The following UBXN7 variants were observed in gnomAD, a reference collection of about 807,000 sequenced individuals.
UBXN7 encodes UBX domain protein 7.
In UBXN7, 9 loss-of-function variants were observed where a neutral mutation model predicts 58.0. That is an observed-to-expected ratio of 0.16 (90% CI 0.09 to 0.27). UBXN7 has a LOEUF of 0.27. Among genes scored for constraint, UBXN7 ranks in the 10% least tolerant of loss-of-function variants. UBXN7 has a pLI of 1.00. For missense variants in UBXN7, 328 were observed against 599.6 expected, an observed-to-expected ratio of 0.55 and a Z score of 4.73; for synonymous variants, 208 against 205.0, an observed-to-expected ratio of 1.01 and a Z score of -0.12.
At chr3:196,407,042 C>G (rs1048992675) in intron 2 of UBXN7, among the ~76,000 whole-genome samples, 1 of 152,358 alleles carries the variant, frequency 6.6e-6, no homozygotes, top group Admixed American at 6.5e-5. Context: ...AGAGCCTACA[C>G]GGTTCCTTTG....
chr3:196,425,800 C>T (rs1261179913), intron 1 of UBXN7, among the ~76,000 whole-genome samples: 1 of 152,160 alleles, frequency 6.6e-6, no homozygotes, highest in South Asian at 2.1e-4. Flanking sequence ...GTTTCTCCTG[C>T]AAGAAACATC....
intron 5 of UBXN7, among the ~76,000 whole-genome samples, chr3:196,373,888 A>G (rs1728914421): frequency 6.6e-6 from 1 of 152,182 alleles, no homozygotes; most frequent in African/African-American, 2.4e-5. Context: ...ATATTTGCTT[A>G]CTGATTCCAT....
chr3:196,364,425 GA>G (rs1231468873), intron 8 of UBXN7, among the ~76,000 whole-genome samples: 1 of 152,050 alleles, frequency 6.6e-6, no homozygotes, highest in African/African-American at 2.4e-5. Flanking sequence ...ATTAATTAAT[GA>G]AACAATGAAT....
intron 5 of UBXN7, among the ~76,000 whole-genome samples, chr3:196,380,970 C>T (rs1013503927): frequency 1.3e-5 from 2 of 152,234 alleles, no homozygotes; most frequent in African/African-American, 2.4e-5. Context: ...GTAAACAAAG[C>T]GGCTGGGAAG....
intron 1 of UBXN7, among the ~76,000 whole-genome samples, chr3:196,422,679 G>A (rs1024595271): frequency 6.6e-6 from 1 of 152,024 alleles, no homozygotes; most frequent in African/African-American, 2.4e-5. Context: ...AGTGACTTTG[G>A]AAAGTCACTA....
chr3:196,410,534 T>C (rs955325215), intron 1 of UBXN7, among the ~76,000 whole-genome samples: 1 of 152,162 alleles, frequency 6.6e-6, no homozygotes, highest in African/African-American at 2.4e-5. Flanking sequence ...TTAAAATCAC[T>C]TCATGGCAGC....
chr3:196,424,567 T>TAGAAACAGG (rs1202577278), intron 1 of UBXN7, among the ~76,000 whole-genome samples: 1 of 151,510 alleles, frequency 6.6e-6, no homozygotes, highest in East Asian at 1.9e-4. Flanking sequence ...TTACTTTTTG[T>TAGAAACAGG]AGAAACAGGC....
chr3:196,389,491 TG>T (rs2108844223), intron 5 of UBXN7, among the ~76,000 whole-genome samples: 1 of 152,330 alleles, frequency 6.6e-6, no homozygotes, highest in South Asian at 2.1e-4. Flanking sequence ...TTTGGAAATT[TG>T]TCCCCTCCAA....
intron 2 of UBXN7, 71 bp from the exon 3 acceptor site, chr3:196,403,090 T>C: frequency 7.2e-7 from 1 of 1,383,444 alleles, no homozygotes; most frequent in Non-Finnish European, 9.9e-7. Context: ...CTGTAAATAC[T>C]GTGAATATAT....
intron 1 of UBXN7, among the ~76,000 whole-genome samples, chr3:196,415,176 CAG>C (rs1285313166): frequency 7.4e-6 from 1 of 135,416 alleles, no homozygotes; most frequent in African/African-American, 2.8e-5. Context: ...TTTTTTGAGA[CAG>C]AGTCTCGTTC....
At chr3:196,431,944 C>G (rs1731070836) in intron 1 of UBXN7, 1 of 413,798 alleles carries the variant, frequency 2.4e-6, no homozygotes, top group Non-Finnish European at 4.6e-6. Context: ...CACCGCAGGG[C>G]TGCACAGAGA....
chr3:196,428,179 T>C (rs973063105), intron 1 of UBXN7, among the ~76,000 whole-genome samples: 2 of 151,786 alleles, frequency 1.3e-5, no homozygotes, highest in Non-Finnish European at 2.9e-5. Flanking sequence ...TAAACCATAC[T>C]GTATACAGCT....
At chr3:196,406,028 T>G (rs1450379356) in intron 2 of UBXN7, among the ~76,000 whole-genome samples, 5 of 151,850 alleles carry the variant, frequency 3.3e-5, no homozygotes, top group Non-Finnish European at 7.4e-5. Context: ...GTGTTTTTTT[T>G]GTTTTTTGTT....
chr3:196,404,539 GGCGTGAGCCACCGC>G (rs143989071), intron 2 of UBXN7, among the ~76,000 whole-genome samples: 7,641 of 152,228 alleles, frequency 0.05, 259 homozygotes, highest in Non-Finnish European at 0.076. Context: ...TGGGATTACA[GGCGTGAGCCACCGC>G]GCCCGGCCAA....
intron 5 of UBXN7, among the ~76,000 whole-genome samples, chr3:196,382,256 C>T (rs1306672013): frequency 6.6e-6 from 1 of 152,130 alleles, no homozygotes; most frequent in African/African-American, 2.4e-5. Context: ...TCAAGTTACC[C>T]ACAAAGGGAA....
chr3:196,381,352 G>C (rs561282584), intron 5 of UBXN7, among the ~76,000 whole-genome samples: 1 of 152,328 alleles, frequency 6.6e-6, no homozygotes, highest in East Asian at 1.9e-4. Flanking sequence ...ACAGGGTCTG[G>C]AGTGAAACTC....
At chr3:196,371,872 C>T in intron 6 of UBXN7, 24 bp downstream of exon 6, 1 of 1,600,736 alleles carries the variant, frequency 6.2e-7, no homozygotes, top group Non-Finnish European at 8.5e-7. Flanking sequence ...TTCTACAAAA[C>T]TTCTGATTAA....
At chr3:196,380,669 C>G (rs1476910406) in intron 5 of UBXN7, among the ~76,000 whole-genome samples, 1 of 152,254 alleles carries the variant, frequency 6.6e-6, no homozygotes, top group Admixed American at 6.5e-5. Context: ...TGAAGCAGGG[C>G]AGCGTGCCGC....
At chr3:196,401,320 C>CACACAT (rs1189963065) in intron 3 of UBXN7, among the ~76,000 whole-genome samples, 2 of 72,500 alleles carry the variant, frequency 2.8e-5, no homozygotes, top group Non-Finnish European at 4.9e-5. Flanking sequence ...CACACACACA[C>CACACAT]ATATATATAT....
Sources: allele counts gnomAD v4.1 joint callset (sites outside exome capture counted in the v4.1 genomes callset), GRCh38; gene constraint gnomAD v4.1.1; transcripts MANE v1.5; gene names NCBI Gene and HGNC (gene_info 2026-07-23, HGNC 2026-07-21).